The following CPN1 variants were observed in gnomAD, a reference collection of about 807,000 sequenced individuals.
The protein encoded by CPN1 is carboxypeptidase N subunit 1, also known as carboxypeptidase N catalytic chain.
In CPN1, 37 loss-of-function variants were observed where a neutral mutation model predicts 46.4. The ratio of observed to expected loss-of-function variants is 0.80; its 90% CI spans 0.61 to 1.05. The LOEUF is 1.05. Ranked by LOEUF, CPN1 falls within the 50% of genes least tolerant of loss-of-function variation. The pLI is 0.00. For missense variants in CPN1, 563 were observed against 602.6 expected, an observed-to-expected ratio of 0.93 and a Z score of 0.69; for synonymous variants, 224 against 235.4, an observed-to-expected ratio of 0.95 and a Z score of 0.44.
In CPN1 at chr10:100,045,972, G is replaced by A. The variant is rs189463409; in HGVS notation, c.1230+2786C>T. Among the ~76,000 whole-genome samples, 3 of 152,236 alleles carry A rather than the reference G, an allele frequency of 2.0e-5. No homozygotes were observed. In the East Asian group the frequency reaches 5.8e-4, roughly 29 times the overall value. ...TTAAATAGGACTGCCTCATTATTTTGTCCTCATTTGAGAAATCTGAGGATT... is the reference window on the plus strand; with the variant it reads ...TTAAATAGGACTGCCTCATTATTTTATCCTCATTTGAGAAATCTGAGGATT... On this transcript the variant is annotated intron_variant, in intron 8 of 8. Transcript: ENST00000370418.
At chr10:100,048,614 G>T in intron 8 of CPN1, 144 bp downstream of exon 8, 1 of 722,184 alleles carries the variant, frequency 1.4e-6, no homozygotes, top group East Asian at 2.7e-5. Context: ...CGGCAGGATT[G>T]CTTCGGCCCA....
At position 100,057,011 on chromosome 10, in the gene CPN1, A is replaced by G. The variant is rs968732299; in HGVS notation, c.1011+2T>C. ...CATGAGAGTTAACAAATGAGATTTT[A>G]CCTGTTCCAGGAACTGGATTAGGGC... is the stretch of plus-strand genomic sequence containing the variant. On this transcript the variant is annotated splice_donor_variant, in intron 6 of 8. Transcript: ENST00000370418. LOFTEE classifies it high-confidence loss of function. 17 of 1,614,002 alleles carry G rather than the reference A, an allele frequency of 1.1e-5. No individual in the cohort carries two copies. Among genetic ancestry groups the G allele is most frequent in the African/African-American group, 2.7e-5 (2 of 74,912 alleles).
intron 8 of CPN1, 83 bp from the exon 9 acceptor site, chr10:100,042,656 G>A (rs1452504638): frequency 1.3e-6 from 2 of 1,565,396 alleles, no homozygotes; most frequent in Admixed American, 3.4e-5. Context: ...TGGGTACTAG[G>A]GAAAATTATT....
At chr10:100,058,401 A>C (rs2041397361) in intron 5 of CPN1, among the ~76,000 whole-genome samples, 1 of 152,184 alleles carries the variant, frequency 6.6e-6, no homozygotes, top group Non-Finnish European at 1.5e-5. Flanking sequence ...ATCTGAAAAT[A>C]CCCATCCCAG....
chr10:100,050,384 A>AACAT (rs2133427464), intron 7 of CPN1, among the ~76,000 whole-genome samples: 1 of 146,480 alleles, frequency 6.8e-6, no homozygotes, highest in South Asian at 2.1e-4. Context: ...CAAACAAACA[A>AACAT]ATCTGTTGAG....
At chr10:100,050,490 G>A (rs2041343861) in intron 7 of CPN1, among the ~76,000 whole-genome samples, 1 of 152,210 alleles carries the variant, frequency 6.6e-6, no homozygotes, top group Non-Finnish European at 1.5e-5. Flanking sequence ...CCACGCAGAT[G>A]TACAGTGCAA....
chr10:100,076,000 T>C lies in CPN1; in HGVS notation c.331A>G (p.Asn111Asp). Residue 111 changes from asparagine to aspartate, a missense_variant, in exon 2 of 9, where the codon AAC becomes GAC. By Grantham distance (23) the Asn-to-Asp change is conservative (BLOSUM62 1). Transcript: ENST00000370418. ...EFLCEEFRNR[N>D]QRIVQLIQDT... Reference sequence around the variant, plus strand: ...TGGATGAGCTGGACGATGCGCTGGTTCCTGTTCCGGAACTCCTCGCACAGA... The same window carrying C: ...TGGATGAGCTGGACGATGCGCTGGTCCCTGTTCCGGAACTCCTCGCACAGA... 6.2e-7 allele frequency: 1 copy of C among 1,614,148 alleles called. No individual in the cohort carries two copies. The highest frequency in any genetic ancestry group is 8.5e-7 in the Non-Finnish European group (1 of 1,180,036).
At chr10:100,074,039 C>CA (rs879334437) in intron 2 of CPN1, among the ~76,000 whole-genome samples, 1 of 152,076 alleles carries the variant, frequency 6.6e-6, no homozygotes, top group Non-Finnish European at 1.5e-5. Flanking sequence ...CCCCATCCCC[C>CA]CCCCACAATA....
At chr10:100,070,195 T>C (rs1183116638) in intron 2 of CPN1, among the ~76,000 whole-genome samples, 1 of 151,818 alleles carries the variant, frequency 6.6e-6, no homozygotes. Flanking sequence ...TCCAAAGTGC[T>C]GAGAGGCCAG....
intron 1 of CPN1, 128 bp from the exon 2 acceptor site, chr10:100,076,235 A>G (rs1278312071): frequency 1.1e-6 from 1 of 916,378 alleles, no homozygotes; most frequent in Non-Finnish European, 1.7e-6. Context: ...GGTCTTTTGC[A>G]ATAATCCCTG....
chr10:100,069,595 G>T, intron 3 of CPN1, 119 bp downstream of exon 3: 1 of 1,180,836 alleles, frequency 8.5e-7, no homozygotes, highest in South Asian at 1.2e-5. Context: ...GGTTAATACT[G>T]AGTTGAGTTG....
chr10:100,079,607 G>A (rs929636065), intron 1 of CPN1, among the ~76,000 whole-genome samples: 1 of 152,196 alleles, frequency 6.6e-6, no homozygotes, highest in Non-Finnish European at 1.5e-5. Context: ...GTTTCAAAGC[G>A]AGGCAATTAT....
chr10:100,080,141 G>A (rs752842073), intron 1 of CPN1, among the ~76,000 whole-genome samples: 11 of 151,980 alleles, frequency 7.2e-5, no homozygotes, highest in Non-Finnish European at 1.5e-4. Context: ...CAATCATGTA[G>A]GCAGCTTGTG....
intron 3 of CPN1, 141 bp from the exon 4 acceptor site, chr10:100,065,511 G>GTGGAGA: frequency 1.2e-6 from 1 of 838,316 alleles, no homozygotes; most frequent in South Asian, 1.7e-5. Flanking sequence ...GATATGAAAA[G>GTGGAGA]TGGAGATGGG....
rs763489182 is a variant in CPN1 at position 100,042,396 on chromosome 10, C to G, written c.*31G>C. ...TCTGATCTGAGAGCAGGAGCAAAGC[C>G]TTTCTGAAGGGTTGCCTGGCACTGT... On this transcript the variant is annotated 3_prime_UTR_variant, in exon 9 of 9. Coordinates refer to ENST00000370418, the MANE Select transcript of CPN1 (RefSeq NM_001308.3). 5.0e-6 allele frequency: 8 copies of G among 1,612,112 alleles called. No individual in the cohort carries two copies. The African/African-American group carries it at 1.1e-4, about 22-fold the overall frequency.
intron 5 of CPN1, among the ~76,000 whole-genome samples, chr10:100,061,619 G>A (rs906490000): frequency 1.4e-4 from 22 of 152,248 alleles, no homozygotes; most frequent in African/African-American, 5.1e-4. Context: ...AATGACTTTG[G>A]AATTGTACCA....
At chr10:100,044,023 C>T (rs1297208144) in intron 8 of CPN1, among the ~76,000 whole-genome samples, 1 of 152,070 alleles carries the variant, frequency 6.6e-6, no homozygotes, top group Non-Finnish European at 1.5e-5. Flanking sequence ...CTGGGGCAGG[C>T]CTGGGCTTTC....
In CPN1 at chr10:100,042,550, G is replaced by A; in HGVS notation, c.1254C>T (p.Ser418=). Residue 418 remains serine, a synonymous_variant, in exon 9 of 9, where the codon AGC becomes AGT. Transcript: ENST00000370418. ...PTLVNFHLKR[S]IPQVSPVRRA... ...TCCTCACAGGGCTTACTTGAGGGAT[G>A]CTTCTTTTGAGGTGGAAGTTAACCT... 1.9e-6 allele frequency: 3 copies of A among 1,613,926 alleles called. No individual in the cohort carries two copies. The highest frequency in any genetic ancestry group is 2.7e-5 in the African/African-American group (2 of 74,970).
intron 5 of CPN1, 21 bp downstream of exon 5, chr10:100,063,593 A>G (rs1261069888): frequency 6.6e-7 from 1 of 1,523,056 alleles, no homozygotes; most frequent in South Asian, 1.1e-5. Context: ...CAGCTTGAGC[A>G]GTTCCCAGGA....
Sources: allele counts gnomAD v4.1 joint callset (sites outside exome capture counted in the v4.1 genomes callset), GRCh38; gene constraint gnomAD v4.1.1; transcripts MANE v1.5; gene names NCBI Gene and HGNC (gene_info 2026-07-23, HGNC 2026-07-21).